EFCAB3: variants seen among roughly 807,000 people sequenced by gnomAD.
EFCAB3 encodes the protein EF-hand calcium-binding domain-containing protein 3.
In EFCAB3, 36 loss-of-function variants were observed where a neutral mutation model predicts 42.2. That is an observed-to-expected ratio of 0.85 (90% CI 0.65 to 1.13). EFCAB3 has a LOEUF of 1.13. EFCAB3 is among the 50% of genes most tolerant of loss of function. The probability of loss-of-function intolerance (pLI) is 0.00; values close to 1 mark genes in which losing one functional copy is unlikely to be tolerated. For synonymous variants in EFCAB3, 170 were observed against 172.8 expected (o/e 0.98, Z 0.13); for missense variants, 418 against 505.1 (o/e 0.83, Z 1.65).
At chr17:62,405,913 A>G (rs1304389335) in intron 6 of EFCAB3, among the ~76,000 whole-genome samples, 3 of 152,122 alleles carry the variant, frequency 2.0e-5, no homozygotes, top group Non-Finnish European at 4.4e-5. Context: ...ATACTTTTCT[A>G]TGTTTTCCAA....
intron 1 of EFCAB3, chr17:62,382,059 CA>C: frequency 5.3e-6 from 1 of 187,928 alleles, no homozygotes; most frequent in Non-Finnish European, 1.2e-5. Context: ...CATCCAAAAA[CA>C]AAAACAAACA....
intron 8 of EFCAB3, among the ~76,000 whole-genome samples, chr17:62,413,021 G>A (rs191124120): frequency 1.8e-4 from 27 of 152,188 alleles, no homozygotes; most frequent in African/African-American, 6.0e-4. Context: ...TAAATGGAGG[G>A]TCAGAGAGAA....
intron 3 of EFCAB3, 47 bp from the exon 4 acceptor site, chr17:62,391,775 C>A: frequency 6.3e-7 from 1 of 1,592,756 alleles, no homozygotes; most frequent in Non-Finnish European, 8.6e-7. Flanking sequence ...AGTGTATGTA[C>A]TTCTTCTTGA....
chr17:62,406,688 T>C lies in EFCAB3; in HGVS notation c.682+15T>C. On this transcript the variant is annotated intron_variant, in intron 7 of 9. Transcript: ENST00000305286. ...AGAGCTCAAGAGTAAGAGCCATTTG[T>C]TCTCTCTCTACTGTTGTAAAGGATT... 6.2e-7 allele frequency: 1 copy of C among 1,613,224 alleles called. No homozygotes were observed. The highest frequency in any genetic ancestry group is 8.5e-7 in the Non-Finnish European group (1 of 1,179,352).
chr17:62,396,847 C>G (rs549784551), intron 6 of EFCAB3, among the ~76,000 whole-genome samples: 1 of 152,158 alleles, frequency 6.6e-6, no homozygotes, highest in South Asian at 2.1e-4. Flanking sequence ...CCACTACACT[C>G]CAACCTGGGC....
At chr17:62,403,300 C>T (rs1598018280) in intron 6 of EFCAB3, among the ~76,000 whole-genome samples, 1 of 152,182 alleles carries the variant, frequency 6.6e-6, no homozygotes, top group Non-Finnish European at 1.5e-5. Context: ...ACCTCCTCAA[C>T]ATGAAAGCAA....
intron 8 of EFCAB3, among the ~76,000 whole-genome samples, chr17:62,409,632 C>A (rs1221525940): frequency 6.9e-6 from 1 of 145,836 alleles, no homozygotes; most frequent in Non-Finnish European, 1.5e-5. Context: ...AAATCACAAC[C>A]CCCAATACCT....
At chr17:62,384,557 G>A (rs1019346275) in intron 2 of EFCAB3, among the ~76,000 whole-genome samples, 1 of 152,172 alleles carries the variant, frequency 6.6e-6, no homozygotes, top group Non-Finnish European at 1.5e-5. Context: ...AGAGGTTAGG[G>A]TGAGCTGAGA....
chr17:62,415,197 A>G (rs1371791011), intron 9 of EFCAB3, among the ~76,000 whole-genome samples: 1 of 152,164 alleles, frequency 6.6e-6, no homozygotes, highest in African/African-American at 2.4e-5. Context: ...TAGATGAGGC[A>G]GTCTCCAACC....
At chr17:62,412,990 A>C (rs1247794490) in intron 8 of EFCAB3, among the ~76,000 whole-genome samples, 2 of 152,302 alleles carry the variant, frequency 1.3e-5, no homozygotes, top group Admixed American at 6.5e-5. Flanking sequence ...CAAATTGCAA[A>C]TGGATGAAAT....
chr17:62,409,657 A>AT lies in EFCAB3; in HGVS notation c.867+2452dup, dbSNP rs568814124. 5.3e-3 allele frequency among the ~76,000 whole-genome samples: 800 copies of AT among 150,594 alleles called. 11 individuals are homozygous for AT. Among genetic ancestry groups the AT allele is most frequent in the Middle Eastern group, 0.017 (5 of 288 alleles). On this transcript the variant is annotated intron_variant, in intron 8 of 9. Transcript: ENST00000305286. ...CCCCAATACCTTACCCCCTTTCCTG[A>AT]TTTTTTTCATAACACGTTACCATCT...
rs1164031008 is a variant in EFCAB3 at position 62,404,874 on chromosome 17, A to G, written c.489-1606A>G. 5.3e-5 allele frequency among the ~76,000 whole-genome samples: 8 copies of G among 152,338 alleles called. No individual in the cohort carries two copies. The South Asian group carries it at 1.7e-3, about 32-fold the overall frequency. On this transcript the variant is annotated intron_variant, in intron 6 of 9. Coordinates refer to ENST00000305286, the MANE Select transcript of EFCAB3 (RefSeq NM_173503.4). Reference sequence around the variant, plus strand: ...CTAGTTTTGGTATGTAATATACATGAAACAATTAGTTATAAAATATAATGT... The same window carrying G: ...CTAGTTTTGGTATGTAATATACATGGAACAATTAGTTATAAAATATAATGT...
At chr17:62,386,807 G>A (rs762518559) in intron 2 of EFCAB3, among the ~76,000 whole-genome samples, 2 of 148,102 alleles carry the variant, frequency 1.4e-5, no homozygotes, top group African/African-American at 2.5e-5. Context: ...GTTTTTTTTT[G>A]AGATAGGGTC....
At chr17:62,370,398 TA>T in intron 1 of EFCAB3, 1 of 1,433,084 alleles carries the variant, frequency 7.0e-7, no homozygotes, top group South Asian at 1.2e-5. Flanking sequence ...TTCACGCCTG[TA>T]ATCCCAGCAC....
upstream of EFCAB3, among the ~76,000 whole-genome samples, chr17:62,379,056 G>A (rs911398802): frequency 6.6e-6 from 1 of 152,108 alleles, no homozygotes; most frequent in Non-Finnish European, 1.5e-5. Context: ...ACAACCCACA[G>A]AATAGGGAAA....
chr17:62,395,427 G>A (rs2070341004), intron 6 of EFCAB3, among the ~76,000 whole-genome samples: 1 of 152,098 alleles, frequency 6.6e-6, no homozygotes, highest in Admixed American at 6.5e-5. Flanking sequence ...GCCCCACTGA[G>A]GACCTAAGAC....
At chr17:62,378,097 A>C (rs982090844), upstream of EFCAB3, 1 of 1,192,086 alleles carries the variant, frequency 8.4e-7, no homozygotes, top group African/African-American at 1.5e-5. Flanking sequence ...TACCTTAGTT[A>C]CTTTCCCTAA....
intron 1 of EFCAB3, among the ~76,000 whole-genome samples, chr17:62,372,909 T>C (rs143088067): frequency 2.0e-3 from 311 of 152,296 alleles, no homozygotes; most frequent in African/African-American, 7.3e-3. Flanking sequence ...TCCCTCAAAA[T>C]ACCTTGTTCC....
At chr17:62,390,379 C>G (rs1468809781) in intron 3 of EFCAB3, among the ~76,000 whole-genome samples, 1 of 152,134 alleles carries the variant, frequency 6.6e-6, no homozygotes, top group East Asian at 1.9e-4. Flanking sequence ...AAAGGAAGAT[C>G]ATGCAGGTAC....
Sources: gnomAD v4.1 joint callset for allele counts (sites outside exome capture counted in the v4.1 genomes callset) on GRCh38, gnomAD v4.1.1 for gene constraint, MANE v1.5 for transcripts, NCBI Gene and HGNC (gene_info 2026-07-23, HGNC 2026-07-21) for gene names.